PTPRS: variants seen among roughly 807,000 people sequenced by gnomAD.
PTPRS encodes the protein protein tyrosine phosphatase receptor type S.
In PTPRS, 63 loss-of-function variants were observed where a neutral mutation model predicts 215.3. That is an observed-to-expected ratio of 0.29 (90% CI 0.24 to 0.36). The LOEUF is 0.36. Among genes scored for constraint, PTPRS ranks in the 10% least tolerant of loss-of-function variants. The pLI, the probability that PTPRS is intolerant of heterozygous loss-of-function variation, is 1.00. For synonymous variants in PTPRS, 1,404 were observed against 1,191.4 expected (o/e 1.18, Z -3.68); for missense variants, 2,258 against 2,825.8 (o/e 0.80, Z 4.56).
At chr19:5,288,977 A>T (rs1461808633) in intron 1 of PTPRS, among the ~76,000 whole-genome samples, 1 of 152,210 alleles carries the variant, frequency 6.6e-6, no homozygotes, top group Admixed American at 6.5e-5. Flanking sequence ...CCGCCACTCC[A>T]GCCTGTCAGG....
Position 5,215,483 on chromosome 19 carries a change from CG to C in PTPRS, c.4194+14del. On this transcript the variant is annotated intron_variant, in intron 27 of 37. Transcript: ENST00000262963. ...AGGCCGAGGTGATGAGGGTGGGAGG[CG>C]GGGGTGGGCTCACCTCATACTCCTG... 1 of 982,800 alleles carries C rather than the reference CG, an allele frequency of 1.0e-6. No individual in the cohort carries two copies. Among genetic ancestry groups the C allele is most frequent in the Non-Finnish European group, 1.5e-6 (1 of 658,978 alleles). 60.9% of individuals were successfully genotyped at this position (982,800 alleles called of 1,614,324 possible).
rs60512892 is a variant in PTPRS at position 5,277,057 on chromosome 19, G to GTTTT, written c.92-2717_92-2714dup. Among the ~76,000 whole-genome samples the GTTTT allele has an allele frequency of 2.6e-3, 344 of 133,168 alleles. 5 individuals carry two copies. In the South Asian group the frequency reaches 0.041, roughly 16 times the overall value. The allele number at this position is 133,168 out of a possible 152,430, so 87.4% of individuals were successfully genotyped here. On this transcript the variant is annotated intron_variant, in intron 2 of 37. Coordinates refer to ENST00000262963, the MANE Select transcript of PTPRS (RefSeq NM_002850.4). ...GAATGGAGCTACTGCTGAGTTTTGT[G>GTTTT]TTTTTTTTTTTTTTTTTTAAGAGAC...
chr19:5,243,256 A>G (rs1230591865), intron 11 of PTPRS, among the ~76,000 whole-genome samples: 1 of 147,286 alleles, frequency 6.8e-6, no homozygotes, highest in Admixed American at 6.8e-5. Context: ...CTCAGCCTCC[A>G]GAGTAGCTGG....
At chr19:5,300,649 T>TA (rs2049272759) in intron 1 of PTPRS, among the ~76,000 whole-genome samples, 1 of 151,058 alleles carries the variant, frequency 6.6e-6, no homozygotes, top group Non-Finnish European at 1.5e-5. Flanking sequence ...TGCATGCCTG[T>TA]AATCCCAGCT....
At chr19:5,235,673 C>T (rs1225812977) in intron 13 of PTPRS, among the ~76,000 whole-genome samples, 1 of 152,228 alleles carries the variant, frequency 6.6e-6, no homozygotes, top group Non-Finnish European at 1.5e-5. Context: ...TTGTTATAAA[C>T]TGCTAATAGC....
chr19:5,316,477 C>T (rs750653407), intron 1 of PTPRS, among the ~76,000 whole-genome samples: 28 of 152,164 alleles, frequency 1.8e-4, no homozygotes, highest in Non-Finnish European at 3.8e-4. Flanking sequence ...ACCGCAACCT[C>T]GGCCTCCCGG....
At chr19:5,208,447 T>C in intron 35 of PTPRS, 56 bp from the exon 36 acceptor site, 1 of 1,405,294 alleles carries the variant, frequency 7.1e-7, no homozygotes, top group Non-Finnish European at 9.5e-7. Flanking sequence ...ATGGGGGTTT[T>C]TCTCCATCCT....
chr19:5,261,854 T>C (rs1278006843), intron 6 of PTPRS, among the ~76,000 whole-genome samples: 1 of 152,188 alleles, frequency 6.6e-6, no homozygotes, highest in Admixed American at 6.5e-5. Flanking sequence ...CTGCACCCTT[T>C]AGAGGGGAGC....
In PTPRS at chr19:5,208,004, C is replaced by T. The variant is rs752031088; in HGVS notation, c.5696G>A (p.Arg1899Gln). The T allele has an allele frequency of 6.8e-6, 11 of 1,614,068 alleles. No homozygotes were observed. Among genetic ancestry groups the T allele is most frequent in the Non-Finnish European group, 9.3e-6 (11 of 1,180,040 alleles). Residue 1899 changes from arginine to glutamine, a missense_variant, in exon 37 of 38, where the codon CGG becomes CAG. Arg to Gln is a conservative substitution (Grantham distance 43). Coordinates refer to ENST00000262963, the MANE Select transcript of PTPRS (RefSeq NM_002850.4). ...VFITLSIVLE[R>Q]MRYEGVVDIF... ...GTCCACCACGCCTTCATACCGCATC[C>T]GCTCCAGCACGATGCTAAGCGTGAT...
Position 5,272,595 on chromosome 19 carries a change from C to CAAAAAAAAA in PTPRS, c.379+838_379+846dup, listed in dbSNP as rs10527451. 1.6e-3 allele frequency among the ~76,000 whole-genome samples: 114 copies of CAAAAAAAAA among 73,424 alleles called. 3 individuals carry two copies. Among genetic ancestry groups the CAAAAAAAAA allele is most frequent in the Non-Finnish European group, 2.2e-3 (83 of 37,994 alleles). 48.2% of individuals were successfully genotyped at this position (73,424 alleles called of 152,430 possible). A position where few individuals can be genotyped will look rare whatever the true frequency, so the allele number is the denominator to read the frequency against. ...CCAGCGCAACAAAGCAAGACTGTCT[C>CAAAAAAAAA]AAAAAAAAAAAAAAAAAAAAAAAAA... On this transcript the variant is annotated intron_variant, in intron 4 of 37. Transcript: ENST00000262963.
intron 13 of PTPRS, among the ~76,000 whole-genome samples, chr19:5,232,861 C>G (rs2043133508): frequency 6.6e-6 from 1 of 151,948 alleles, no homozygotes; most frequent in Non-Finnish European, 1.5e-5. Flanking sequence ...AGGGGAACAG[C>G]AACAGAGCTC....
intron 2 of PTPRS, among the ~76,000 whole-genome samples, chr19:5,274,803 G>C (rs753554058): frequency 6.6e-6 from 1 of 152,148 alleles, no homozygotes; most frequent in Non-Finnish European, 1.5e-5. Flanking sequence ...AGAATAACTT[G>C]GTCTAATTTC....
intron 2 of PTPRS, chr19:5,277,770 G>A (rs1290851073): frequency 2.4e-5 from 17 of 715,708 alleles, no homozygotes; most frequent in East Asian, 1.8e-4. Flanking sequence ...GCCCAAGATC[G>A]TCAAAAAGAG....
intron 1 of PTPRS, among the ~76,000 whole-genome samples, chr19:5,318,271 G>A (rs1442889257): frequency 6.6e-6 from 1 of 152,038 alleles, no homozygotes; most frequent in Non-Finnish European, 1.5e-5. Context: ...AACCCAGGAG[G>A]CGGAGGTTGC....
chr19:5,258,241 G>A (rs2045726432), intron 7 of PTPRS, 114 bp from the exon 8 acceptor site: 10 of 874,792 alleles, frequency 1.1e-5, no homozygotes, highest in Non-Finnish European at 1.8e-5. Flanking sequence ...CTGGGCCAGA[G>A]AGGCAGATAA....
At chr19:5,329,833 T>C (rs1378718921) in intron 1 of PTPRS, among the ~76,000 whole-genome samples, 7 of 151,670 alleles carry the variant, frequency 4.6e-5, no homozygotes, top group Admixed American at 1.3e-4. Flanking sequence ...TCCCAGCACT[T>C]TGAGAGGCCG....
chr19:5,229,960 C>T (rs2042885593), intron 14 of PTPRS, among the ~76,000 whole-genome samples: 2 of 151,896 alleles, frequency 1.3e-5, no homozygotes, highest in African/African-American at 4.8e-5. Flanking sequence ...CTCTTCTTCA[C>T]CCTACACTGC....
intron 30 of PTPRS, 125 bp from the exon 31 acceptor site, chr19:5,212,616 G>A (rs1260783836): frequency 8.7e-7 from 1 of 1,153,062 alleles, no homozygotes; most frequent in African/African-American, 1.5e-5. Context: ...GGCCGAGGTG[G>A]GCGGATCACC....
rs2044353586 is a variant in PTPRS, at chr19:5,244,995, T to C, written c.989-513A>G. Among the ~76,000 whole-genome samples, 1 of 146,796 alleles carries C rather than the reference T, an allele frequency of 6.8e-6. No homozygotes were observed. Reference sequence around the variant, plus strand: ...TTTTTTCTTTTTTCTTTTTTTTTTTTTTTAGACGGAGCCTTGCTCTGTCAC... The same window carrying C: ...TTTTTTCTTTTTTCTTTTTTTTTTTCTTTAGACGGAGCCTTGCTCTGTCAC... On this transcript the variant is annotated intron_variant, in intron 10 of 37. Coordinates refer to ENST00000262963, the MANE Select transcript of PTPRS (RefSeq NM_002850.4). The surrounding 1 kb of genome is among the most constrained non-coding windows in gnomAD (Gnocchi z 7.2).
Sources: allele counts gnomAD v4.1 joint callset (sites outside exome capture counted in the v4.1 genomes callset), GRCh38; gene constraint gnomAD v4.1.1; non-coding constraint Gnocchi (gnomAD v3.1); transcripts MANE v1.5; gene names NCBI Gene and HGNC (gene_info 2026-07-23, HGNC 2026-07-21).